TRPC4: variants seen among roughly 807,000 people sequenced by gnomAD.
The protein encoded by TRPC4 is short transient receptor potential channel 4.
TRPC4 carries 49 observed loss-of-function variants against 99.4 expected under a neutral mutation model. The ratio of observed to expected loss-of-function variants is 0.49; its 90% CI spans 0.39 to 0.63. The LOEUF (loss-of-function observed/expected upper bound fraction) is 0.63, where lower values mean the gene tolerates loss of function less well. Among genes scored for constraint, TRPC4 ranks in the 20% least tolerant of loss-of-function variants. TRPC4 has a pLI of 0.00. For synonymous variants in TRPC4, 454 were observed against 425.9 expected (o/e 1.07, Z -0.81); for missense variants, 898 against 1,152.9 (o/e 0.78, Z 3.20).
At chr13:37,810,495 A>C (rs1957646927) in intron 1 of TRPC4, among the ~76,000 whole-genome samples, 1 of 152,174 alleles carries the variant, frequency 6.6e-6, no homozygotes, top group South Asian at 2.1e-4. Context: ...AAACAATTAG[A>C]CACCCATCGT....
At chr13:37,761,794 G>C (rs565862897) in intron 2 of TRPC4, among the ~76,000 whole-genome samples, 1 of 151,796 alleles carries the variant, frequency 6.6e-6, no homozygotes, top group African/African-American at 2.4e-5. Flanking sequence ...CATAAACACA[G>C]TCCCAATTAT....
At chr13:37,684,268 G>A (rs1953374886) in intron 4 of TRPC4, among the ~76,000 whole-genome samples, 1 of 152,112 alleles carries the variant, frequency 6.6e-6, no homozygotes, top group Non-Finnish European at 1.5e-5. Flanking sequence ...TAGTTGGAAG[G>A]CATCTAAAAA....
intron 1 of TRPC4, among the ~76,000 whole-genome samples, chr13:37,862,060 G>A (rs1472749228): frequency 6.6e-6 from 1 of 151,388 alleles, no homozygotes; most frequent in Non-Finnish European, 1.5e-5. Context: ...TTCGATAGAC[G>A]TAGCTGTAGA....
In TRPC4 at chr13:37,637,148, G is replaced by C; in HGVS notation, c.2689C>G (p.Leu897Val). ...ESRGLASRGD[L>V]SIPGLSEQCV... The stretch of plus-strand genomic sequence containing the variant: ...TGTTCACTGAGACCGGGAATGCTCA[G>C]GTCACCCCGTGAAGCTAATCCTCGA... Residue 897 changes from leucine (L) to valine (V), a missense_variant, in exon 11 of 11, where the codon CTG becomes GTG. Leu to Val is a conservative substitution (Grantham distance 32). Transcript: ENST00000379705. The C allele has an allele frequency of 2.5e-6, 4 of 1,613,744 alleles. No individual in the cohort carries two copies. Among genetic ancestry groups the C allele is most frequent in the South Asian group, 1.1e-5 (1 of 91,062 alleles).
At chr13:37,797,306 G>A (rs1232988185) in intron 1 of TRPC4, among the ~76,000 whole-genome samples, 1 of 152,100 alleles carries the variant, frequency 6.6e-6, no homozygotes, top group Non-Finnish European at 1.5e-5. Flanking sequence ...ACTGACTATG[G>A]ATGCAACTAA....
chr13:37,729,952 A>T (rs1955190991), intron 3 of TRPC4, among the ~76,000 whole-genome samples: 2 of 152,080 alleles, frequency 1.3e-5, no homozygotes, highest in Admixed American at 1.3e-4. Flanking sequence ...ACTCAACTAC[A>T]CACACAAAAT....
rs1466114340 is a variant in TRPC4 at position 37,819,974 on chromosome 13, T to TA, written c.-27-36615dup. ...AGATGAACCAAAGGAAATTGAGATGTAAAAAACCACACAAAAGATCAACAA... is the reference window on the plus strand; with the variant it reads ...AGATGAACCAAAGGAAATTGAGATGTAAAAAAACCACACAAAAGATCAACAA... On this transcript the variant is annotated intron_variant, in intron 1 of 10. Transcript: ENST00000379705. Among the ~76,000 whole-genome samples, 5 of 151,914 alleles carry TA rather than the reference T, an allele frequency of 3.3e-5. No individual in the cohort carries two copies. The South Asian group carries it at 8.3e-4, about 25-fold the overall frequency.
chr13:37,757,037 C>T (rs1956114642), intron 2 of TRPC4, among the ~76,000 whole-genome samples: 1 of 151,382 alleles, frequency 6.6e-6, no homozygotes, highest in Admixed American at 6.6e-5. Context: ...TATTTCTAAA[C>T]AAAATCCATA....
chr13:37,702,095 G>C (rs892187968), intron 3 of TRPC4, among the ~76,000 whole-genome samples: 1 of 152,090 alleles, frequency 6.6e-6, no homozygotes, highest in Non-Finnish European at 1.5e-5. Flanking sequence ...GGCATTCCTT[G>C]GCCTGACAGC....
chr13:37,683,037 T>G (rs1489806710), intron 4 of TRPC4, among the ~76,000 whole-genome samples: 1 of 151,406 alleles, frequency 6.6e-6, no homozygotes, highest in Non-Finnish European at 1.5e-5. Context: ...GGAGGGAGCT[T>G]GGATTACAGG....
intron 4 of TRPC4, among the ~76,000 whole-genome samples, chr13:37,684,117 G>A (rs555962398): frequency 6.6e-6 from 1 of 152,200 alleles, no homozygotes; most frequent in South Asian, 2.1e-4. Context: ...AGTCTTTAAT[G>A]TTTAAAATAC....
chr13:37,688,120 G>T (rs1265401136), intron 4 of TRPC4, among the ~76,000 whole-genome samples: 1 of 152,170 alleles, frequency 6.6e-6, no homozygotes, highest in Non-Finnish European at 1.5e-5. Context: ...GAGGCTGTTT[G>T]ATGGCAGAAA....
At position 37,746,317 on chromosome 13, in the gene TRPC4, C is replaced by T. The variant is rs1593645309; in HGVS notation, c.517G>A (p.Glu173Lys). 4 of 1,613,654 alleles carry T rather than the reference C, an allele frequency of 2.5e-6. No individual in the cohort carries two copies. The highest frequency in any genetic ancestry group is 1.3e-5 in the African/African-American group (1 of 74,900). ...QKGVSVPRPH[E>K]VRCNCVECVS... ...CATTCCACACAGTTACAGCGGACCT[C>T]GTGGGGTCGAGGCACTGAGACTCCT... The change falls in exon 3 of 11, where the codon GAG becomes AAG. Residue 173 changes from glutamate (E) to lysine (K), a missense_variant. Glu to Lys is a moderately conservative substitution (Grantham distance 56). Around this residue, in one of 3 missense-constraint regions of TRPC4, gnomAD observed 278 missense variants for 346.6 expected, o/e 0.80. Coordinates refer to ENST00000379705, the MANE Select transcript of TRPC4 (RefSeq NM_016179.4).
chr13:37,681,423 G>A (rs58158661), intron 4 of TRPC4, among the ~76,000 whole-genome samples: 1 of 152,092 alleles, frequency 6.6e-6, no homozygotes, highest in African/African-American at 2.4e-5. Context: ...GCCAATCAAT[G>A]TCTGTTGGCT....
At chr13:37,714,288 G>C (rs1001479725) in intron 3 of TRPC4, among the ~76,000 whole-genome samples, 11 of 151,944 alleles carry the variant, frequency 7.2e-5, no homozygotes, top group Non-Finnish European at 1.5e-4. Context: ...CACCATGCCC[G>C]GCTAATTTTT....
chr13:37,761,207 C>T (rs575994578), intron 2 of TRPC4, among the ~76,000 whole-genome samples: 4 of 151,918 alleles, frequency 2.6e-5, no homozygotes, highest in African/African-American at 7.2e-5. Context: ...TGTGCCATGC[C>T]CTGTGTGGGG....
At chr13:37,833,960 C>A (rs898996101) in intron 1 of TRPC4, among the ~76,000 whole-genome samples, 1 of 152,160 alleles carries the variant, frequency 6.6e-6, no homozygotes, top group Non-Finnish European at 1.5e-5. Flanking sequence ...AGCGGTTATA[C>A]TTGCATTTTC....
At chr13:37,774,688 C>T (rs2080850234) in intron 2 of TRPC4, among the ~76,000 whole-genome samples, 1 of 151,546 alleles carries the variant, frequency 6.6e-6, no homozygotes, top group South Asian at 2.1e-4. Flanking sequence ...CAGTGTGTGT[C>T]GTTCTACTCT....
chr13:37,786,658 ATAAAACATT>A (rs1480690145), intron 1 of TRPC4, among the ~76,000 whole-genome samples: 1 of 152,064 alleles, frequency 6.6e-6, no homozygotes, highest in Non-Finnish European at 1.5e-5. Flanking sequence ...TAATGTCAAA[ATAAAACATT>A]GCTCCTGGTC....
Sources: allele counts gnomAD v4.1 joint callset (sites outside exome capture counted in the v4.1 genomes callset), GRCh38; gene constraint gnomAD v4.1.1; regional missense constraint gnomAD v4.1.1; transcripts MANE v1.5; gene names NCBI Gene and HGNC (gene_info 2026-07-23, HGNC 2026-07-21).